The following JMY variants were observed in gnomAD, a reference collection of about 807,000 sequenced individuals.
The protein encoded by JMY is junction-mediating and -regulatory protein.
JMY carries 46 observed loss-of-function variants against 103.3 expected under a neutral mutation model. The ratio of observed to expected loss-of-function variants is 0.45; its 90% CI spans 0.35 to 0.57. JMY has a LOEUF of 0.57. Among genes scored for constraint, JMY ranks in the 20% least tolerant of loss-of-function variants. The probability of loss-of-function intolerance (pLI) is 0.00; values close to 1 mark genes in which losing one functional copy is unlikely to be tolerated. For synonymous variants in JMY, 526 were observed against 489.3 expected (o/e 1.07, Z -0.99); for missense variants, 1,238 against 1,255.2 (o/e 0.99, Z 0.21).
At chr5:79,293,800 G>GT (rs1746491331) in intron 4 of JMY, among the ~76,000 whole-genome samples, 1 of 152,118 alleles carries the variant, frequency 6.6e-6, no homozygotes, top group Admixed American at 6.5e-5. Flanking sequence ...AGAATCCTTT[G>GT]TGAGTTTAAC....
chr5:79,293,366 T>C (rs1746476941), intron 4 of JMY, among the ~76,000 whole-genome samples: 1 of 151,580 alleles, frequency 6.6e-6, no homozygotes, highest in Admixed American at 6.6e-5. Flanking sequence ...CTGTTCCTTT[T>C]AATTTATACC....
chr5:79,247,915 CAG>C (rs1197250888), intron 1 of JMY, among the ~76,000 whole-genome samples: 7 of 148,084 alleles, frequency 4.7e-5, no homozygotes, highest in Admixed American at 6.7e-5. Context: ...TATTTTGAGA[CAG>C]AGTCTCGTTC....
At chr5:79,262,203 G>A (rs967344356) in intron 1 of JMY, among the ~76,000 whole-genome samples, 7 of 152,116 alleles carry the variant, frequency 4.6e-5, no homozygotes, top group African/African-American at 7.2e-5. Flanking sequence ...TTAGCAAAAT[G>A]CATCTTTCAC....
intron 1 of JMY, among the ~76,000 whole-genome samples, chr5:79,273,362 ATTG>A (rs1366343219): frequency 2.6e-5 from 4 of 151,030 alleles, no homozygotes; most frequent in Non-Finnish European, 4.4e-5. Context: ...TCTGTTCTCT[ATTG>A]TTTCTAGTTT....
intron 1 of JMY, among the ~76,000 whole-genome samples, chr5:79,239,516 C>T (rs1433420776): frequency 2.6e-5 from 4 of 152,014 alleles, no homozygotes. Context: ...TCAGAAAAAG[C>T]GACTGTCAGG....
intron 4 of JMY, among the ~76,000 whole-genome samples, chr5:79,293,725 C>A (rs1746489610): frequency 6.6e-6 from 1 of 152,152 alleles, no homozygotes; most frequent in Admixed American, 6.5e-5. Context: ...AGAATGACTG[C>A]CCATGTTCTG....
At position 79,326,528 on chromosome 5, in the gene JMY, C is replaced by CTT. The variant is rs71615526; in HGVS notation, c.*4928_*4929dup. 1 of 151,698 alleles carries CTT rather than the reference C, an allele frequency of 6.6e-6. No individual in the cohort carries two copies. The highest frequency in any genetic ancestry group is 1.5e-5 in the Non-Finnish European group (1 of 67,948). 9.4% of individuals were successfully genotyped at this position (151,698 alleles called of 1,614,324 possible). A position where few individuals can be genotyped will look rare whatever the true frequency, so the allele number is the denominator to read the frequency against. On this transcript the variant is annotated 3_prime_UTR_variant, in exon 11 of 11. Transcript: ENST00000396137. The stretch of plus-strand genomic sequence containing the variant: ...CTACCCATACAGTGACTTCTGAGTT[C>CTT]TTTAACTTTGACAGAATCTCCATTG...
At chr5:79,259,003 T>G (rs1745338445) in intron 1 of JMY, among the ~76,000 whole-genome samples, 1 of 152,160 alleles carries the variant, frequency 6.6e-6, no homozygotes, top group African/African-American at 2.4e-5. Context: ...GGAGCTTTAT[T>G]GAGCAATAGA....
In JMY at chr5:79,314,834, G is replaced by T. The variant is rs897656015; in HGVS notation, c.2642G>T (p.Gly881Val). 6.3e-7 allele frequency: 1 copy of T among 1,575,424 alleles called. No homozygotes were observed. The highest frequency in any genetic ancestry group is 8.6e-7 in the Non-Finnish European group (1 of 1,161,102). Reference protein sequence around the residue: ...ARKKLRKTAEGLQRRRVSSPM... With the variant: ...ARKKLRKTAEVLQRRRVSSPM... Reference sequence around the variant, plus strand: ...AAGAAGCTCAGAAAGACTGCTGAAGGTTTGCAGAGGAGGAGAGGTACGTCA... The same window carrying T: ...AAGAAGCTCAGAAAGACTGCTGAAGTTTTGCAGAGGAGGAGAGGTACGTCA... Residue 881 changes from glycine to valine, a missense_variant, in exon 9 of 11, where the codon GGT becomes GTT. Gly to Val is a moderately radical substitution (Grantham distance 109). Transcript: ENST00000396137.
At chr5:79,296,655 T>C (rs1477040295) in intron 4 of JMY, among the ~76,000 whole-genome samples, 3 of 152,224 alleles carry the variant, frequency 2.0e-5, no homozygotes, top group South Asian at 2.1e-4. Flanking sequence ...CTATGACTTA[T>C]TTTCGAACCC....
chr5:79,261,241 A>G (rs1269035850), intron 1 of JMY, among the ~76,000 whole-genome samples: 1 of 152,102 alleles, frequency 6.6e-6, no homozygotes, highest in Non-Finnish European at 1.5e-5. Flanking sequence ...TTTCTGCTAA[A>G]ATTTTACCAT....
intron 1 of JMY, among the ~76,000 whole-genome samples, chr5:79,241,060 C>G (rs552388960): frequency 6.6e-6 from 1 of 152,260 alleles, no homozygotes; most frequent in Admixed American, 6.5e-5. Flanking sequence ...TTCTATGAAT[C>G]TATTTTTTGG....
In JMY at chr5:79,310,749, T is replaced by C. The variant is rs543480659; in HGVS notation, c.1969-1654T>C. 2.0e-5 allele frequency among the ~76,000 whole-genome samples: 3 copies of C among 152,340 alleles called. No homozygotes were observed. In the South Asian group the frequency reaches 6.2e-4, roughly 32 times the overall value. Reference sequence around the variant, plus strand: ...GAGGATTACTTATTAATACTACTATTTTAAATTGTTATTAGCTCAAATTGG... The same window carrying C: ...GAGGATTACTTATTAATACTACTATCTTAAATTGTTATTAGCTCAAATTGG... On this transcript the variant is annotated intron_variant, in intron 7 of 10. Transcript: ENST00000396137.
At position 79,306,418 on chromosome 5, in the gene JMY, C is replaced by G. The variant is rs1242692461; in HGVS notation, c.1925C>G (p.Thr642Ser). Reference sequence around the variant, plus strand: ...CACAATGAAAAAATCCAACAGCGCACTCGGATTGAAGATGAATATAGAACC... The same window carrying G: ...CACAATGAAAAAATCCAACAGCGCAGTCGGATTGAAGATGAATATAGAACC... ...AKHNEKIQQR[T>S]RIEDEYRTHH... is the part of the protein sequence containing the mutation. The change falls in exon 7 of 11, where the codon ACT becomes AGT. Residue 642 changes from threonine (T) to serine (S), a missense_variant. Physicochemically the swap from Thr to Ser is moderately conservative, Grantham distance 58. Transcript: ENST00000396137. 1 of 1,613,352 alleles carries G rather than the reference C, an allele frequency of 6.2e-7. No homozygotes were observed. Among genetic ancestry groups the G allele is most frequent in the East Asian group, 2.2e-5 (1 of 44,846 alleles).
intron 3 of JMY, 126 bp downstream of exon 3, chr5:79,290,397 C>A (rs894180785): frequency 1.8e-5 from 9 of 493,874 alleles, no homozygotes; most frequent in African/African-American, 1.0e-4. Context: ...TTAGAGAAAA[C>A]CACTATTAGC....
At chr5:79,302,505 C>A (rs1746766268) in intron 6 of JMY, among the ~76,000 whole-genome samples, 1 of 152,122 alleles carries the variant, frequency 6.6e-6, no homozygotes, top group Non-Finnish European at 1.5e-5. Flanking sequence ...CTTGTACTGG[C>A]TTTTAACATC....
intron 1 of JMY, among the ~76,000 whole-genome samples, chr5:79,264,137 G>A (rs909099864): frequency 6.6e-6 from 1 of 151,990 alleles, no homozygotes; most frequent in African/African-American, 2.4e-5. Context: ...CCAGGGTAGA[G>A]TACAGTGATG....
chr5:79,249,312 G>A (rs75285073), intron 1 of JMY, among the ~76,000 whole-genome samples: 5,149 of 152,298 alleles, frequency 0.034, 111 homozygotes, highest in South Asian at 0.061. Flanking sequence ...GTGAGCCACC[G>A]TGCCTGCCCT....
At chr5:79,318,174 CTTTTTT>C (rs35595124) in intron 10 of JMY, among the ~76,000 whole-genome samples, 3 of 146,048 alleles carry the variant, frequency 2.1e-5, no homozygotes, top group South Asian at 2.2e-4. Flanking sequence ...GCTCTTTTTT[CTTTTTT>C]TTTTTTGTAT....
Sources: gnomAD v4.1 joint callset for allele counts (sites outside exome capture counted in the v4.1 genomes callset) on GRCh38, gnomAD v4.1.1 for gene constraint, MANE v1.5 for transcripts, NCBI Gene and HGNC (gene_info 2026-07-23, HGNC 2026-07-21) for gene names.